FLT3: variants seen among roughly 807,000 people sequenced by gnomAD.
FLT3 encodes the protein fms related receptor tyrosine kinase 3.
In FLT3, 46 loss-of-function variants were observed where a neutral mutation model predicts 126.6. The observed-to-expected ratio is 0.36, with a 90% CI of 0.29 to 0.46. The LOEUF is 0.46. Among genes scored for constraint, FLT3 ranks in the 20% least tolerant of loss-of-function variants. The pLI, the probability that FLT3 is intolerant of heterozygous loss-of-function variation, is 1.00. For missense variants in FLT3, 1,069 were observed against 1,190.3 expected (o/e 0.90, Z 1.50); for synonymous variants, 404 against 434.4 (o/e 0.93, Z 0.87).
intron 2 of FLT3, 93 bp downstream of exon 2, chr13:28,070,398 A>G: frequency 9.8e-7 from 1 of 1,020,200 alleles, no homozygotes; most frequent in Non-Finnish European, 1.5e-6. Flanking sequence ...ATACATAAAG[A>G]GAAGCCCATT....
At chr13:28,023,667 G>A (rs554833241) in intron 18 of FLT3, among the ~76,000 whole-genome samples, 190 bp from the exon 19 acceptor site, 5 of 152,244 alleles carry the variant, frequency 3.3e-5, no homozygotes, top group African/African-American at 1.2e-4. Context: ...GACTTGTTTT[G>A]GTTAGAGATA....
rs1046654813 is a variant in FLT3 at position 28,003,555 on chromosome 13, G to A, written c.*497C>T. The A allele has an allele frequency of 1.3e-5, 3 of 237,770 alleles. No individual in the cohort carries two copies. Among genetic ancestry groups the A allele is most frequent in the African/African-American group, 2.2e-5 (1 of 45,332 alleles). 14.7% of individuals were successfully genotyped at this position (237,770 alleles called of 1,614,324 possible). ...ATGGGTGCACAATTTCAGGGGGTTCGTGAACTCCAGTTAAGACTTGCCCTA... is the reference window on the plus strand; with the variant it reads ...ATGGGTGCACAATTTCAGGGGGTTCATGAACTCCAGTTAAGACTTGCCCTA... On this transcript the variant is annotated 3_prime_UTR_variant, in exon 24 of 24. Coordinates refer to ENST00000241453, the MANE Select transcript of FLT3 (RefSeq NM_004119.3).
intron 20 of FLT3, 34 bp downstream of exon 20, chr13:28,018,433 C>A (rs2137622222): frequency 6.2e-7 from 1 of 1,610,924 alleles, no homozygotes; most frequent in Non-Finnish European, 8.5e-7. Context: ...CACAAAATAG[C>A]CGTATAAAAA....
chr13:28,071,183 T>A lies in FLT3; in HGVS notation c.44-571A>T, dbSNP rs71433254. ...CTAATTTTCTTTCTTTTTTTTTTTG[T>A]ATTTTTAGTAGAGACGGGGTATCGC... On this transcript the variant is annotated intron_variant, in intron 1 of 23. Coordinates refer to ENST00000241453, the MANE Select transcript of FLT3 (RefSeq NM_004119.3). Among the ~76,000 whole-genome samples the A allele has an allele frequency of 5.6e-3, 816 of 146,738 alleles. 10 individuals carry two copies. The highest frequency in any genetic ancestry group is 0.02 in the African/African-American group (776 of 39,188).
chr13:28,049,383 C>CAAAT lies in FLT3; in HGVS notation c.1036_1036+1insATTT (p.Glu346AspfsTer13). On this transcript the variant is annotated frameshift_variant and splice_region_variant. Transcript: ENST00000241453. LOFTEE classifies it high-confidence loss of function. The stretch of plus-strand genomic sequence containing the variant: ...AAGATTGTGTGAGCAGCCTGCATTA[C>CAAAT]CTACGATGGTAACCAAAGCTGATTG... The CAAAT allele has an allele frequency of 6.2e-7, 1 of 1,612,774 alleles. No homozygotes were observed. Among genetic ancestry groups the CAAAT allele is most frequent in the Middle Eastern group, 1.7e-4 (1 of 6,052 alleles).
chr13:28,062,743 C>CAAAAAAAAAAAAAAAAA (rs59718306), intron 2 of FLT3, among the ~76,000 whole-genome samples: 4 of 89,994 alleles, frequency 4.4e-5, no homozygotes, highest in Non-Finnish European at 6.1e-5. Context: ...AACTCTGTCT[C>CAAAAAAAAAAAAAAAAA]AAAAAAAAAA....
chr13:28,012,448 C>T (rs1871477707), intron 23 of FLT3, among the ~76,000 whole-genome samples: 1 of 152,138 alleles, frequency 6.6e-6, no homozygotes, highest in African/African-American at 2.4e-5. Flanking sequence ...CCCATTCTCC[C>T]TGTATATTAG....
intron 9 of FLT3, among the ~76,000 whole-genome samples, chr13:28,044,181 G>T (rs1874653267): frequency 6.7e-6 from 1 of 150,028 alleles, no homozygotes; most frequent in Non-Finnish European, 1.5e-5. Flanking sequence ...AGGCGCGGTG[G>T]TTCATACCTG....
intron 5 of FLT3, 80 bp from the exon 6 acceptor site, chr13:28,050,302 T>C (rs952401208): frequency 1.4e-6 from 2 of 1,414,348 alleles, no homozygotes; most frequent in Non-Finnish European, 2.0e-6. Context: ...AACAAAGTTC[T>C]AGAGCCAGTT....
At chr13:28,081,433 AT>A (rs1250451198) in intron 1 of FLT3, among the ~76,000 whole-genome samples, 1 of 152,122 alleles carries the variant, frequency 6.6e-6, no homozygotes, top group Non-Finnish European at 1.5e-5. Context: ...AAGATAATTA[AT>A]TTTTTTCCAC....
intron 2 of FLT3, among the ~76,000 whole-genome samples, chr13:28,066,208 T>G (rs968951130): frequency 6.6e-6 from 1 of 152,218 alleles, no homozygotes; most frequent in Non-Finnish European, 1.5e-5. Flanking sequence ...ACACAAATAC[T>G]GTCCTTTAGT....
chr13:28,023,573 G>A (rs570019008), intron 18 of FLT3, 96 bp from the exon 19 acceptor site: 2 of 1,345,892 alleles, frequency 1.5e-6, no homozygotes, highest in East Asian at 2.3e-5. Flanking sequence ...AGTTAGGTGA[G>A]GTGCTAAGAC....
At chr13:28,083,878 A>G (rs1043693479) in intron 1 of FLT3, among the ~76,000 whole-genome samples, 6 of 151,982 alleles carry the variant, frequency 3.9e-5, no homozygotes, top group Non-Finnish European at 5.9e-5. Context: ...CTTTTTTTCT[A>G]ATCAGTTTGG....
intron 23 of FLT3, among the ~76,000 whole-genome samples, chr13:28,004,694 A>C (rs201098876): frequency 1.3e-5 from 2 of 152,342 alleles, no homozygotes; most frequent in East Asian, 3.9e-4. Context: ...TTTATTATGC[A>C]TAGGTCTCAG....
intron 16 of FLT3, 101 bp downstream of exon 16, chr13:28,028,076 AC>A: frequency 1.5e-6 from 1 of 666,418 alleles, no homozygotes; most frequent in South Asian, 1.7e-5. Context: ...CTGAGAAAAG[AC>A]AAAGAATTAA....
chr13:28,094,248 A>T (rs1879305551), intron 1 of FLT3, among the ~76,000 whole-genome samples: 1 of 152,192 alleles, frequency 6.6e-6, no homozygotes, highest in South Asian at 2.1e-4. Flanking sequence ...TAACTCAAAT[A>T]ACAAAATATT....
intron 1 of FLT3, among the ~76,000 whole-genome samples, chr13:28,099,440 A>G (rs1879678606): frequency 6.6e-6 from 1 of 152,224 alleles, no homozygotes; most frequent in African/African-American, 2.4e-5. Flanking sequence ...TTGTAACAAA[A>G]GCTATTGGAT....
intron 1 of FLT3, among the ~76,000 whole-genome samples, chr13:28,091,679 A>G (rs1879116390): frequency 6.6e-6 from 1 of 152,100 alleles, no homozygotes; most frequent in African/African-American, 2.4e-5. Context: ...TCACGCCTGT[A>G]ATCTCAGCAC....
intron 9 of FLT3, among the ~76,000 whole-genome samples, chr13:28,038,303 G>T (rs1296266440): frequency 1.3e-5 from 2 of 152,054 alleles, no homozygotes; most frequent in Admixed American, 6.6e-5. Context: ...GTGCAGGAGA[G>T]GCAGGGCAGC....
Sources: gnomAD v4.1 joint callset for allele counts (sites outside exome capture counted in the v4.1 genomes callset) on GRCh38, gnomAD v4.1.1 for gene constraint, MANE v1.5 for transcripts, NCBI Gene and HGNC (gene_info 2026-07-23, HGNC 2026-07-21) for gene names.